The following RPL39L variants were observed in gnomAD, a reference collection of about 807,000 sequenced individuals.
The protein encoded by RPL39L is ribosomal protein L39 like.
For missense variants in RPL39L, 48 were observed against 58.9 expected, an observed-to-expected ratio of 0.81 and a Z score of 0.61; for synonymous variants, 16 against 20.1, an observed-to-expected ratio of 0.80 and a Z score of 0.55.
chr3:187,137,899 A>T (rs963415653), intron 1 of RPL39L, among the ~76,000 whole-genome samples: 3 of 151,968 alleles, frequency 2.0e-5, no homozygotes, highest in Non-Finnish European at 4.4e-5. Flanking sequence ...CTTTTTTCAG[A>T]CCAGCCACAT....
At chr3:187,137,241 C>T (rs1424576978) in intron 1 of RPL39L, among the ~76,000 whole-genome samples, 1 of 144,510 alleles carries the variant, frequency 6.9e-6, no homozygotes. Context: ...GGTGCAGTGG[C>T]TCACACCTGT....
At position 187,133,804 on chromosome 3, in the gene RPL39L, G is replaced by A. The variant is rs575584637; in HGVS notation, c.-93+5409C>T. 5.3e-5 allele frequency among the ~76,000 whole-genome samples: 8 copies of A among 152,240 alleles called. No homozygotes were observed. The South Asian group carries it at 1.7e-3, about 32-fold the overall frequency. ...CTACCCTAAGCAAAAGGTAATATTA[G>A]AGGAAATCGAACCTGGTAGTGTACT... On this transcript the variant is annotated intron_variant, in intron 1 of 2. Coordinates refer to ENST00000296277, the MANE Select transcript of RPL39L (RefSeq NM_052969.3).
rs540039140 is a variant in RPL39L at position 187,128,439 on chromosome 3, C to T, written c.-92-377G>A. On this transcript the variant is annotated intron_variant, in intron 1 of 2. Coordinates refer to ENST00000296277, the MANE Select transcript of RPL39L (RefSeq NM_052969.3). Reference sequence around the variant, plus strand: ...CCATTTTTTTGATTCATGGTATCAACATAGTTATTATACAAGCCCTCCTCA... The same window carrying T: ...CCATTTTTTTGATTCATGGTATCAATATAGTTATTATACAAGCCCTCCTCA... Among the ~76,000 whole-genome samples the T allele has an allele frequency of 1.1e-4, 16 of 152,248 alleles. No homozygotes were observed. The South Asian group carries it at 2.7e-3, about 26-fold the overall frequency.
rs191424980 is a variant in RPL39L, at chr3:187,121,068, C to T, written c.*77G>A. On this transcript the variant is annotated 3_prime_UTR_variant, in exon 3 of 3. Transcript: ENST00000296277. Reference sequence around the variant, plus strand: ...TGTGCAACTGTCCAGGTAGTGGTGACATTTTCAGCTTGATATCGTAAGATG... The same window carrying T: ...TGTGCAACTGTCCAGGTAGTGGTGATATTTTCAGCTTGATATCGTAAGATG... The T allele has an allele frequency of 1.1e-4, 161 of 1,526,856 alleles. No individual in the cohort carries two copies. Among genetic ancestry groups the T allele is most frequent in the Admixed American group, 3.1e-4 (18 of 58,794 alleles). The allele number at this position is 1,526,856 out of a possible 1,614,324, so 94.6% of individuals were successfully genotyped here.
intron 1 of RPL39L, among the ~76,000 whole-genome samples, chr3:187,131,138 A>G (rs1214160596): frequency 6.6e-6 from 1 of 152,230 alleles, no homozygotes; most frequent in Non-Finnish European, 1.5e-5. Flanking sequence ...GCAAGTTGAA[A>G]TATTTTATCT....
Position 187,138,893 on chromosome 3 carries a change from T to C in RPL39L, c.-93+320A>G, listed in dbSNP as rs192467978. Among the ~76,000 whole-genome samples the C allele has an allele frequency of 7.9e-4, 120 of 152,192 alleles. No homozygotes were observed. In the South Asian group the frequency reaches 0.01, roughly 13 times the overall value. ...TGACCAATATGGTGAAACCCGTCTT[T>C]ACTAAAAATACAAAAATTAGCCGAG... On this transcript the variant is annotated intron_variant, in intron 1 of 2. Transcript: ENST00000296277.
At chr3:187,134,143 G>A (rs1271868415) in intron 1 of RPL39L, among the ~76,000 whole-genome samples, 1 of 151,770 alleles carries the variant, frequency 6.6e-6, no homozygotes, top group East Asian at 1.9e-4. Flanking sequence ...AGGTTCTAGT[G>A]GAAAAAAATA....
At chr3:187,139,048 A>G (rs1030194660) in intron 1 of RPL39L, among the ~76,000 whole-genome samples, 165 bp downstream of exon 1, 3 of 148,042 alleles carry the variant, frequency 2.0e-5, no homozygotes, top group African/African-American at 7.8e-5. Context: ...ACGGAGGGAG[A>G]CCCTGTCTCA....
At chr3:187,127,760 A>T (rs1407794937) in intron 2 of RPL39L, among the ~76,000 whole-genome samples, 2 of 152,208 alleles carry the variant, frequency 1.3e-5, no homozygotes, top group Non-Finnish European at 2.9e-5. Flanking sequence ...TTGCAATGTA[A>T]TTTTTCACAA....
At chr3:187,137,198 CAAAAAA>C (rs33967617) in intron 1 of RPL39L, among the ~76,000 whole-genome samples, 4 of 37,638 alleles carry the variant, frequency 1.1e-4, no homozygotes, top group East Asian at 2.3e-3. Flanking sequence ...CACTCTTCCT[CAAAAAA>C]AAAAAAAAAA....
intron 1 of RPL39L, among the ~76,000 whole-genome samples, chr3:187,136,585 G>A (rs1431614064): frequency 6.6e-6 from 1 of 152,128 alleles, no homozygotes; most frequent in Admixed American, 6.6e-5. Flanking sequence ...GATATGGATC[G>A]CATAGGATAA....
intron 1 of RPL39L, among the ~76,000 whole-genome samples, chr3:187,130,581 A>G (rs758329203): frequency 1.3e-5 from 2 of 152,092 alleles, no homozygotes; most frequent in Non-Finnish European, 2.9e-5. Context: ...CATGAGTAAA[A>G]GCTCCCTGAG....
Position 187,121,056 on chromosome 3 carries a change from A to C in RPL39L, c.*89T>G. The C allele has an allele frequency of 7.1e-7, 1 of 1,415,236 alleles. No individual in the cohort carries two copies. Among genetic ancestry groups the C allele is most frequent in the Non-Finnish European group, 9.9e-7 (1 of 1,008,346 alleles). The allele number at this position is 1,415,236 out of a possible 1,614,324, so 87.7% of individuals were successfully genotyped here. ...CCCAGTAAAACATGTGCAACTGTCCAGGTAGTGGTGACATTTTCAGCTTGA... is the reference window on the plus strand; with the variant it reads ...CCCAGTAAAACATGTGCAACTGTCCCGGTAGTGGTGACATTTTCAGCTTGA... On this transcript the variant is annotated 3_prime_UTR_variant, in exon 3 of 3. Coordinates refer to ENST00000296277, the MANE Select transcript of RPL39L (RefSeq NM_052969.3).
rs372223197 is a variant in RPL39L at position 187,124,367 on chromosome 3, C to T, written c.-28-3039G>A. On this transcript the variant is annotated intron_variant, in intron 2 of 2. Transcript: ENST00000296277. ...AGAAACTGGATAGCCTATGCAAAGG[C>T]GAAGTTTATTAAGTGATCATAAATG... 2.3e-3 allele frequency among the ~76,000 whole-genome samples: 344 copies of T among 152,076 alleles called. 1 individual carries two copies. The highest frequency in any genetic ancestry group is 3.4e-3 in the Non-Finnish European group (232 of 67,992).
In RPL39L at chr3:187,128,064, T is replaced by C. The variant is rs142223007; in HGVS notation, c.-92-2A>G. On this transcript the variant is annotated splice_acceptor_variant, in intron 1 of 2. Coordinates refer to ENST00000296277, the MANE Select transcript of RPL39L (RefSeq NM_052969.3). LOFTEE classifies it low-confidence loss of function (5UTR_SPLICE). ...TGCTTGCTTCTCTCCAAATAAAATC[T>C]GAAAAGAAAATATCCAGTGTGTAAT... The C allele has an allele frequency of 1.3e-3, 191 of 152,316 alleles. No homozygotes were observed. Among genetic ancestry groups the C allele is most frequent in the African/African-American group, 4.2e-3 (174 of 41,574 alleles). 9.4% of individuals were successfully genotyped at this position (152,316 alleles called of 1,614,324 possible).
At chr3:187,131,788 C>G (rs1720488875) in intron 1 of RPL39L, among the ~76,000 whole-genome samples, 1 of 152,160 alleles carries the variant, frequency 6.6e-6, no homozygotes, top group Non-Finnish European at 1.5e-5. Flanking sequence ...TGGCACATAA[C>G]AAACACAATA....
chr3:187,126,443 C>A (rs1720399715), intron 2 of RPL39L, among the ~76,000 whole-genome samples: 1 of 152,104 alleles, frequency 6.6e-6, no homozygotes, highest in African/African-American at 2.4e-5. Context: ...GGATTACAGG[C>A]TTGAGCCACC....
At chr3:187,130,329 G>A (rs904910852) in intron 1 of RPL39L, among the ~76,000 whole-genome samples, 2 of 152,178 alleles carry the variant, frequency 1.3e-5, no homozygotes, top group Admixed American at 1.3e-4. Flanking sequence ...CAATCTAATA[G>A]TTTGGATATT....
intron 1 of RPL39L, among the ~76,000 whole-genome samples, chr3:187,135,644 T>C (rs942338431): frequency 2.0e-5 from 3 of 152,220 alleles, no homozygotes; most frequent in Admixed American, 1.3e-4. Flanking sequence ...TACAGACGGG[T>C]AAGCAGTGAA....
Sources: allele counts gnomAD v4.1 joint callset (sites outside exome capture counted in the v4.1 genomes callset), GRCh38; gene constraint gnomAD v4.1.1; transcripts MANE v1.5; gene names NCBI Gene and HGNC (gene_info 2026-07-23, HGNC 2026-07-21).